The following ANO3 variants were observed in gnomAD, a reference collection of about 807,000 sequenced individuals.
The protein encoded by ANO3 is anoctamin 3.
Under a neutral mutation model 144.8 loss-of-function variants are expected in ANO3, and 99 were observed. That is an observed-to-expected ratio of 0.68 (90% confidence interval 0.58 to 0.81). The LOEUF (loss-of-function observed/expected upper bound fraction) is 0.81. Among genes scored for constraint, ANO3 ranks in the 30% least tolerant of loss-of-function variants. ANO3 has a pLI of 0.00. For missense variants in ANO3, 905 were observed against 1,202.2 expected, an observed-to-expected ratio of 0.75 and a Z score of 3.66; for synonymous variants, 414 against 392.6, an observed-to-expected ratio of 1.05 and a Z score of -0.64.
intron 1 of ANO3, among the ~76,000 whole-genome samples, chr11:26,213,453 C>G (rs1314165112): frequency 6.6e-6 from 1 of 152,118 alleles, no homozygotes; most frequent in Non-Finnish European, 1.5e-5. Context: ...AATCAATGGG[C>G]AAAAAGCAAA....
chr11:26,569,086 C>T (rs1022513898), intron 14 of ANO3, among the ~76,000 whole-genome samples: 5 of 151,344 alleles, frequency 3.3e-5, no homozygotes, highest in African/African-American at 1.2e-4. Context: ...GCTTTCATTA[C>T]CTGCCTGTAA....
At chr11:26,565,555 G>T (rs563199813) in intron 14 of ANO3, 1 of 1,613,242 alleles carries the variant, frequency 6.2e-7, no homozygotes, top group African/African-American at 1.3e-5. Flanking sequence ...GTAGATGTGG[G>T]TTTTAGACTG....
intron 4 of ANO3, among the ~76,000 whole-genome samples, chr11:26,507,158 C>T (rs1861466494): frequency 6.6e-6 from 1 of 152,054 alleles, no homozygotes; most frequent in African/African-American, 2.4e-5. Flanking sequence ...ACTGGAAAAG[C>T]CCCCCTAAGA....
At chr11:26,373,869 A>G (rs1856330819) in intron 1 of ANO3, among the ~76,000 whole-genome samples, 1 of 152,218 alleles carries the variant, frequency 6.6e-6, no homozygotes, top group Non-Finnish European at 1.5e-5. Context: ...CTTAACAATT[A>G]AGGAGCAAGC....
chr11:26,561,733 G>A (rs1037657302), intron 14 of ANO3, among the ~76,000 whole-genome samples: 4 of 151,910 alleles, frequency 2.6e-5, no homozygotes, highest in Admixed American at 6.6e-5. Flanking sequence ...TCTTCTGATC[G>A]ATTCAAGTTA....
At chr11:26,233,958 G>T (rs1343668703) in intron 1 of ANO3, among the ~76,000 whole-genome samples, 1 of 151,464 alleles carries the variant, frequency 6.6e-6, no homozygotes, top group Non-Finnish European at 1.5e-5. Flanking sequence ...AGGGGGCAAG[G>T]GGAGGGAGAG....
chr11:26,452,081 G>C (rs1329516923), intron 3 of ANO3, among the ~76,000 whole-genome samples: 1 of 152,182 alleles, frequency 6.6e-6, no homozygotes, highest in Non-Finnish European at 1.5e-5. Context: ...AAGCCCATCT[G>C]TACATCACCA....
rs77475388 is a variant in ANO3, at chr11:26,352,207, A to G, written c.46+19886A>G. On this transcript the variant is annotated intron_variant, in intron 1 of 26. Transcript: ENST00000256737. ...ACTGACTAAAAAACAAGTCTTTACTACCCAAGAACTCATTTCTTCCTCAAG... is the reference window on the plus strand; with the variant it reads ...ACTGACTAAAAAACAAGTCTTTACTGCCCAAGAACTCATTTCTTCCTCAAG... 9.1e-4 allele frequency among the ~76,000 whole-genome samples: 139 copies of G among 152,322 alleles called. 2 individuals are homozygous for G. Among genetic ancestry groups the G allele is most frequent in the African/African-American group, 3.2e-3 (135 of 41,578 alleles).
intron 6 of ANO3, among the ~76,000 whole-genome samples, chr11:26,518,533 T>A (rs1861945527): frequency 6.6e-6 from 1 of 151,218 alleles, no homozygotes; most frequent in Non-Finnish European, 1.5e-5. Flanking sequence ...TTGAAAACAT[T>A]TTCTGTGAGC....
At chr11:26,383,443 C>T (rs146814070) in intron 1 of ANO3, among the ~76,000 whole-genome samples, 318 of 152,138 alleles carry the variant, frequency 2.1e-3, no homozygotes, top group African/African-American at 7.2e-3. Context: ...CCACATTTGA[C>T]GCTATGGTTC....
At chr11:26,552,863 A>G (rs3105883) in intron 12 of ANO3, among the ~76,000 whole-genome samples, 100,100 of 151,886 alleles carry the variant, frequency 0.66, 33,284 homozygotes, top group East Asian at 0.83. Context: ...GAGAAAACCA[A>G]ATAGGTTTGA....
At chr11:26,465,247 C>T (rs1474201448) in intron 4 of ANO3, among the ~76,000 whole-genome samples, 1 of 149,738 alleles carries the variant, frequency 6.7e-6, no homozygotes, top group African/African-American at 2.5e-5. Flanking sequence ...CAAATAGAAA[C>T]TTCCTATGGT....
chr11:26,578,364 C>T (rs7119386), intron 14 of ANO3, among the ~76,000 whole-genome samples: 49,754 of 151,938 alleles, frequency 0.33, 8,273 homozygotes, highest in South Asian at 0.49. Context: ...ACTACCTCAG[C>T]AGTACGTATT....
intron 1 of ANO3, among the ~76,000 whole-genome samples, chr11:26,388,927 T>C (rs1856805539): frequency 6.6e-6 from 1 of 152,188 alleles, no homozygotes; most frequent in Non-Finnish European, 1.5e-5. Context: ...AGTAGGAGTC[T>C]GCCATGATTC....
At chr11:26,511,326 A>T (rs1156684627) in intron 5 of ANO3, among the ~76,000 whole-genome samples, 1 of 152,208 alleles carries the variant, frequency 6.6e-6, no homozygotes, top group African/African-American at 2.4e-5. Flanking sequence ...TCCCTCTGAA[A>T]AGGCCATAGA....
intron 1 of ANO3, among the ~76,000 whole-genome samples, chr11:26,362,123 T>C (rs1259507877): frequency 1.3e-5 from 2 of 152,282 alleles, no homozygotes; most frequent in African/African-American, 4.8e-5. Flanking sequence ...TTATTTACTA[T>C]GGTGATGGCT....
At chr11:26,348,964 G>A (rs761759318) in intron 1 of ANO3, among the ~76,000 whole-genome samples, 21 of 152,214 alleles carry the variant, frequency 1.4e-4, no homozygotes, top group Non-Finnish European at 2.2e-4. Context: ...TTGTGAAATT[G>A]TTGAGTTTTT....
chr11:26,262,539 A>G (rs1853213384), intron 1 of ANO3, among the ~76,000 whole-genome samples: 1 of 152,046 alleles, frequency 6.6e-6, no homozygotes, highest in Non-Finnish European at 1.5e-5. Context: ...GGCACAGTAC[A>G]CGAAATATAA....
chr11:26,378,419 TTATC>T (rs11372051), intron 1 of ANO3, among the ~76,000 whole-genome samples: 209 of 144,762 alleles, frequency 1.4e-3, no homozygotes, highest in African/African-American at 4.9e-3. Context: ...TATATATTAT[TTATC>T]TATCTATCTA....
Sources: allele counts gnomAD v4.1 joint callset (sites outside exome capture counted in the v4.1 genomes callset), GRCh38; gene constraint gnomAD v4.1.1; transcripts MANE v1.5; gene names NCBI Gene and HGNC (gene_info 2026-07-23, HGNC 2026-07-21).